The following PHF24 variants were observed in gnomAD, a reference collection of about 807,000 sequenced individuals.
The protein encoded by PHF24 is Galpha inhibitory interacting protein.
In PHF24, 25 loss-of-function variants were observed where a neutral mutation model predicts 42.6. The ratio of observed to expected loss-of-function variants is 0.59; its 90% CI spans 0.43 to 0.82. The LOEUF (loss-of-function observed/expected upper bound fraction) is 0.82, where lower values mean the gene tolerates loss of function less well. Among genes scored for constraint, PHF24 ranks in the 40% least tolerant of loss-of-function variants. PHF24 has a pLI of 0.00. For synonymous variants in PHF24, 185 were observed against 204.8 expected, an observed-to-expected ratio of 0.90 and a Z score of 0.83; for missense variants, 470 against 538.1, an observed-to-expected ratio of 0.87 and a Z score of 1.25.
At chr9:34,814,651 C>A in the PHF24 span, among the ~76,000 whole-genome samples, 1 of 152,188 alleles carries the variant, frequency 6.6e-6, no homozygotes, top group Non-Finnish European at 1.5e-5. Context: ...AGTCCTTTAT[C>A]TCTGACTTGG....
At chr9:34,881,962 A>G in the PHF24 span, among the ~76,000 whole-genome samples, 1 of 152,352 alleles carries the variant, frequency 6.6e-6, no homozygotes, top group African/African-American at 2.4e-5. Context: ...AAAAATCCTC[A>G]ATAAAATACT....
chr9:34,701,486 T>C, the PHF24 span, among the ~76,000 whole-genome samples: 448 of 151,712 alleles, frequency 3.0e-3, 2 homozygotes, highest in African/African-American at 0.011. This position sits in a 1 kb window ranked among gnomAD's most constrained non-coding sequence, Gnocchi z 5.8. Context: ...GGCTCTGGAG[T>C]GGGGCGCGGC....
chr9:34,698,557 G>A, the PHF24 span, among the ~76,000 whole-genome samples: 3 of 152,182 alleles, frequency 2.0e-5, no homozygotes, highest in Admixed American at 2.0e-4. Flanking sequence ...GAGTGCAATC[G>A]CGCGATCTCG....
At chr9:34,735,935 C>T in the PHF24 span, among the ~76,000 whole-genome samples, 2 of 151,928 alleles carry the variant, frequency 1.3e-5, no homozygotes, top group African/African-American at 4.8e-5. Context: ...TGGTAGGCAG[C>T]CTTCCTGATC....
the PHF24 span, among the ~76,000 whole-genome samples, chr9:34,812,026 G>A: frequency 1.3e-5 from 2 of 152,120 alleles, no homozygotes; most frequent in East Asian, 1.9e-4. Flanking sequence ...CGACCAATAC[G>A]CACATTAAAA....
At chr9:34,722,200 T>C in the PHF24 span, among the ~76,000 whole-genome samples, 1 of 152,198 alleles carries the variant, frequency 6.6e-6, no homozygotes, top group South Asian at 2.1e-4. Context: ...GTTATGATGC[T>C]ACTGGAGTGA....
chr9:34,671,975 T>C, the PHF24 span, among the ~76,000 whole-genome samples: 1 of 152,228 alleles, frequency 6.6e-6, no homozygotes, highest in Non-Finnish European at 1.5e-5. Context: ...CCATTATTCA[T>C]TTATTGTTTC....
At chr9:34,831,940 G>A in the PHF24 span, among the ~76,000 whole-genome samples, 1 of 152,276 alleles carries the variant, frequency 6.6e-6, no homozygotes, top group East Asian at 1.9e-4. Context: ...TAGATATTGT[G>A]TTTTGATAAA....
chr9:34,769,043 C>T, the PHF24 span, among the ~76,000 whole-genome samples: 1 of 152,086 alleles, frequency 6.6e-6, no homozygotes, highest in Non-Finnish European at 1.5e-5. Flanking sequence ...AATAGCAACA[C>T]AAGGAATAAA....
At chr9:34,830,669 G>A in the PHF24 span, among the ~76,000 whole-genome samples, 2,292 of 152,234 alleles carry the variant, frequency 0.015, 59 homozygotes, top group African/African-American at 0.052. Context: ...TGGGAGGCTC[G>A]ACCGAAAAGG....
chr9:34,808,097 C>A, the PHF24 span, among the ~76,000 whole-genome samples: 1 of 152,164 alleles, frequency 6.6e-6, no homozygotes, highest in African/African-American at 2.4e-5. Flanking sequence ...GTACAGTCAA[C>A]CTGATTTGGA....
chr9:34,732,898 T>C, the PHF24 span, among the ~76,000 whole-genome samples: 1 of 152,354 alleles, frequency 6.6e-6, no homozygotes, highest in East Asian at 1.9e-4. Flanking sequence ...CAGTCTTCTT[T>C]GGTAAAACTA....
the PHF24 span, among the ~76,000 whole-genome samples, chr9:34,873,797 G>A: frequency 6.6e-6 from 1 of 151,006 alleles, no homozygotes; most frequent in Non-Finnish European, 1.5e-5. Flanking sequence ...ACCTTGGGCA[G>A]TATGGCCATT....
At chr9:34,838,672 C>T in the PHF24 span, 7 of 452,886 alleles carry the variant, frequency 1.5e-5, no homozygotes, top group African/African-American at 3.9e-5. Flanking sequence ...TAGGGAAGCT[C>T]ATGTGGTGAT....
the PHF24 span, among the ~76,000 whole-genome samples, chr9:34,829,266 A>C: frequency 6.6e-6 from 1 of 152,118 alleles, no homozygotes; most frequent in Admixed American, 6.6e-5. Context: ...ATTGGAGCAG[A>C]TTTGGTATGT....
At chr9:34,773,474 T>A in the PHF24 span, among the ~76,000 whole-genome samples, 1 of 150,940 alleles carries the variant, frequency 6.6e-6, no homozygotes, top group African/African-American at 2.4e-5. Flanking sequence ...AGAAGTCAAC[T>A]GCAAGAGTTC....
At chr9:34,857,092 G>C in the PHF24 span, among the ~76,000 whole-genome samples, 1 of 152,158 alleles carries the variant, frequency 6.6e-6, no homozygotes, top group Admixed American at 6.5e-5. Context: ...CATCCCTGGT[G>C]CCAGCAGGCT....
At chr9:34,968,907 C>T (rs1392672137) in intron 1 of PHF24, among the ~76,000 whole-genome samples, 1 of 152,150 alleles carries the variant, frequency 6.6e-6, no homozygotes, top group African/African-American at 2.4e-5. Flanking sequence ...AAGGTAAGTG[C>T]CCAGAGCAGA....
At chr9:34,776,127 G>A in the PHF24 span, among the ~76,000 whole-genome samples, 3 of 152,160 alleles carry the variant, frequency 2.0e-5, no homozygotes, top group Non-Finnish European at 4.4e-5. Context: ...GGGAATCACC[G>A]GAGTTTCTCT....
Sources: allele counts gnomAD v4.1 joint callset (sites outside exome capture counted in the v4.1 genomes callset), GRCh38; gene constraint gnomAD v4.1.1; non-coding constraint Gnocchi (gnomAD v3.1); transcripts MANE v1.5; gene names NCBI Gene and HGNC (gene_info 2026-07-23, HGNC 2026-07-21).